DPRX: variants seen among roughly 807,000 people sequenced by gnomAD.
DPRX encodes the protein divergent paired-related homeobox.
In DPRX, 11 loss-of-function variants were observed where a neutral mutation model predicts 8.4. The observed-to-expected ratio is 1.31, with a 90% CI of 0.82 to 2.17. The LOEUF is 2.17. Among genes scored for constraint, DPRX ranks in the 30% most tolerant of loss-of-function variants. The pLI is 0.00. For missense variants in DPRX, 211 were observed against 236.7 expected, an observed-to-expected ratio of 0.89 and a Z score of 0.71; for synonymous variants, 72 against 87.0, an observed-to-expected ratio of 0.83 and a Z score of 0.96.
chr19:53,636,469 TA>T (rs957957659), intron 2 of DPRX, 126 bp from the exon 3 acceptor site: 76 of 817,946 alleles, frequency 9.3e-5, no homozygotes, highest in African/African-American at 5.0e-4. Context: ...ACTTAAAGGT[TA>T]AAAAAAAGAA....
At chr19:53,634,995 T>A (rs534748298) in intron 2 of DPRX, among the ~76,000 whole-genome samples, 1 of 152,264 alleles carries the variant, frequency 6.6e-6, no homozygotes, top group African/African-American at 2.4e-5. Context: ...CCCATCTGTG[T>A]TCCCAGAAAC....
chr19:53,626,731 T>A, the DPRX span, among the ~76,000 whole-genome samples: 1 of 152,238 alleles, frequency 6.6e-6, no homozygotes, highest in Admixed American at 6.6e-5. Context: ...GACATCTTTT[T>A]ACTCTCTCCC....
intron 1 of DPRX, among the ~76,000 whole-genome samples, chr19:53,632,363 C>T (rs370720744): frequency 1.1e-4 from 16 of 152,178 alleles, no homozygotes; most frequent in East Asian, 7.7e-4. Flanking sequence ...TGCAGTGGCA[C>T]GATTTCGGCT....
chr19:53,621,657 C>T, the DPRX span, among the ~76,000 whole-genome samples: 2 of 151,904 alleles, frequency 1.3e-5, no homozygotes, highest in Admixed American at 1.3e-4. Flanking sequence ...TGGTGGTCAG[C>T]ACCTGTAATC....
chr19:53,629,512 G>T (rs999302072), upstream of DPRX, among the ~76,000 whole-genome samples: 2 of 149,110 alleles, frequency 1.3e-5, no homozygotes, highest in Non-Finnish European at 3.0e-5. Context: ...AAACTGCTGG[G>T]ATTACAGGTG....
At chr19:53,631,763 G>T (rs886312316), upstream of DPRX, among the ~76,000 whole-genome samples, 1 of 151,734 alleles carries the variant, frequency 6.6e-6, no homozygotes, top group African/African-American at 2.4e-5. Context: ...CTGTCTCAAA[G>T]AAAAAGAAAA....
the DPRX span, chr19:53,601,136 T>A: frequency 4.3e-5 from 17 of 395,262 alleles, no homozygotes; most frequent in Non-Finnish European, 7.7e-5. Flanking sequence ...CCTGCCTTCA[T>A]CTCCTGAGTA....
the DPRX span, among the ~76,000 whole-genome samples, chr19:53,607,702 A>AAC: frequency 2.0e-5 from 3 of 149,440 alleles, no homozygotes; most frequent in African/African-American, 7.4e-5. Flanking sequence ...AAAAAAAAAA[A>AAC]AACCAAATTG....
the DPRX span, among the ~76,000 whole-genome samples, chr19:53,620,814 G>A: frequency 1.3e-5 from 2 of 152,196 alleles, no homozygotes; most frequent in Non-Finnish European, 2.9e-5. Context: ...GGCTGGTCTC[G>A]AATTCCTGAC....
chr19:53,629,239 A>G (rs9304748), upstream of DPRX, among the ~76,000 whole-genome samples: 133,869 of 149,678 alleles, frequency 0.89, 59,989 homozygotes, highest in African/African-American at 0.92. Context: ...ACTTGAATTT[A>G]GGAGGCAGAG....
At chr19:53,617,034 C>T in the DPRX span, 1 of 1,221,624 alleles carries the variant, frequency 8.2e-7, no homozygotes, top group South Asian at 1.2e-5. Flanking sequence ...TCTTGGCCTA[C>T]AGAGTAAGTG....
the DPRX span, among the ~76,000 whole-genome samples, chr19:53,609,553 G>C: frequency 7.3e-4 from 97 of 133,500 alleles, no homozygotes; most frequent in African/African-American, 2.5e-3. Context: ...GTACAGTATA[G>C]AAAATCCAGA....
At chr19:53,628,018 T>A (rs140888036), upstream of DPRX, among the ~76,000 whole-genome samples, 250 of 151,810 alleles carry the variant, frequency 1.6e-3, 3 homozygotes, top group East Asian at 0.043. Context: ...GGCGACAGAG[T>A]AAGACTCCAT....
chr19:53,617,132 C>T, the DPRX span: 2 of 1,211,138 alleles, frequency 1.7e-6, no homozygotes, highest in Admixed American at 1.7e-5. Flanking sequence ...ATCGAATGCA[C>T]CAAATATCCC....
chr19:53,602,792 C>T, the DPRX span, among the ~76,000 whole-genome samples: 15 of 151,586 alleles, frequency 9.9e-5, no homozygotes, highest in Admixed American at 7.9e-4. Flanking sequence ...CCCCGGCACC[C>T]GGCCTCCCAG....
chr19:53,601,776 C>G, the DPRX span, among the ~76,000 whole-genome samples: 20 of 152,286 alleles, frequency 1.3e-4, no homozygotes, highest in Non-Finnish European at 2.6e-4. Flanking sequence ...GCCACCTCAC[C>G]TGGCTCAATG....
At chr19:53,609,683 T>G in the DPRX span, among the ~76,000 whole-genome samples, 1 of 151,796 alleles carries the variant, frequency 6.6e-6, no homozygotes, top group African/African-American at 2.4e-5. Context: ...CTGACCAACA[T>G]GGCAAAACCC....
At chr19:53,601,679 A>T in the DPRX span, among the ~76,000 whole-genome samples, 3 of 151,752 alleles carry the variant, frequency 2.0e-5, no homozygotes, top group Admixed American at 6.6e-5. Flanking sequence ...CCGGAATTTC[A>T]CCATGTTGGT....
At chr19:53,635,134 C>T (rs555465642) in intron 2 of DPRX, among the ~76,000 whole-genome samples, 11 of 152,156 alleles carry the variant, frequency 7.2e-5, no homozygotes, top group African/African-American at 1.4e-4. Context: ...GTGCACACTA[C>T]GCCTCCCAAA....
Sources: allele counts gnomAD v4.1 joint callset (sites outside exome capture counted in the v4.1 genomes callset), GRCh38; gene constraint gnomAD v4.1.1; transcripts MANE v1.5; gene names NCBI Gene and HGNC (gene_info 2026-07-23, HGNC 2026-07-21).